DOCK3: variants seen among roughly 807,000 people sequenced by gnomAD.
DOCK3 encodes the protein dedicator of cytokinesis protein 3.
In DOCK3, 60 loss-of-function variants were observed where a neutral mutation model predicts 265.6. The observed-to-expected ratio is 0.23, with a 90% CI of 0.18 to 0.28. The LOEUF (loss-of-function observed/expected upper bound fraction) is 0.28. Ranked by LOEUF, DOCK3 falls within the 10% of genes least tolerant of loss-of-function variation. The pLI is 1.00. For missense variants in DOCK3, 1,981 were observed against 2,594.3 expected (o/e 0.76, Z 5.14); for synonymous variants, 881 against 938.0 (o/e 0.94, Z 1.11).
intron 1 of DOCK3, among the ~76,000 whole-genome samples, chr3:50,760,759 C>T (rs1260978987): frequency 1.3e-5 from 2 of 151,934 alleles, no homozygotes; most frequent in Non-Finnish European, 2.9e-5. Flanking sequence ...TAGTTTGCTA[C>T]CTCTAATAGT....
At chr3:51,238,991 G>A (rs1422213680) in intron 21 of DOCK3, among the ~76,000 whole-genome samples, 3 of 151,936 alleles carry the variant, frequency 2.0e-5, no homozygotes, top group Non-Finnish European at 4.4e-5. Context: ...GGGATTGCTG[G>A]GTCAAATGGT....
rs933238840 is a variant in DOCK3 at position 51,264,466 on chromosome 3, A to C, written c.2355+4140A>C. 5.3e-5 allele frequency among the ~76,000 whole-genome samples: 8 copies of C among 152,304 alleles called. No homozygotes were observed. In the South Asian group the frequency reaches 1.2e-3, roughly 24 times the overall value. On this transcript the variant is annotated intron_variant, in intron 23 of 52. Transcript: ENST00000266037. Reference sequence around the variant, plus strand: ...AGAAAGCGGGAAATATCTAAAATTGACACCCAAACATCACAGTTAAAAGAA... The same window carrying C: ...AGAAAGCGGGAAATATCTAAAATTGCCACCCAAACATCACAGTTAAAAGAA...
Position 51,156,193 on chromosome 3 carries a change from A to T in DOCK3, c.829-3051A>T, listed in dbSNP as rs183574334. Among the ~76,000 whole-genome samples the T allele has an allele frequency of 3.3e-3, 500 of 152,302 alleles. 2 individuals carry two copies. The highest frequency in any genetic ancestry group is 5.5e-3 in the Non-Finnish European group (373 of 68,028). On this transcript the variant is annotated intron_variant, in intron 10 of 52. Coordinates refer to ENST00000266037, the MANE Select transcript of DOCK3 (RefSeq NM_004947.5). ...TTTGAAAATCCCATTATCTCCCAAA[A>T]AAAAGGAGTGTCCCAGGCACAGGGA...
At chr3:50,983,042 G>C (rs1387507320) in intron 5 of DOCK3, among the ~76,000 whole-genome samples, 1 of 152,206 alleles carries the variant, frequency 6.6e-6, no homozygotes, top group Non-Finnish European at 1.5e-5. Context: ...CTTGGAGCAG[G>C]GTTCGGGCCA....
At chr3:51,000,850 G>A (rs1168137699) in intron 5 of DOCK3, among the ~76,000 whole-genome samples, 3 of 151,966 alleles carry the variant, frequency 2.0e-5, no homozygotes, top group Admixed American at 6.6e-5. Flanking sequence ...ACAGGGTTTC[G>A]CCATGTTCGC....
At chr3:51,301,360 A>T (rs771784414) in intron 27 of DOCK3, among the ~76,000 whole-genome samples, 6 of 150,702 alleles carry the variant, frequency 4.0e-5, no homozygotes, top group Non-Finnish European at 5.9e-5. Context: ...CAGATCCTGG[A>T]TTCATTGATT....
chr3:51,330,349 C>G, intron 33 of DOCK3, 126 bp downstream of exon 33: 1 of 770,772 alleles, frequency 1.3e-6, no homozygotes, highest in South Asian at 2.1e-5. Flanking sequence ...CTGGGTTGTT[C>G]CTGATGGTAG....
chr3:50,795,346 T>C (rs545110535), intron 2 of DOCK3, among the ~76,000 whole-genome samples: 3 of 152,318 alleles, frequency 2.0e-5, no homozygotes, highest in African/African-American at 7.2e-5. Flanking sequence ...ACACACTCCC[T>C]GTCTCTTTCA....
At chr3:50,787,864 A>G in intron 2 of DOCK3, 1 of 1,084,878 alleles carries the variant, frequency 9.2e-7, no homozygotes, top group Non-Finnish European at 1.4e-6. Context: ...TGGATTGAGA[A>G]GAGGTACCCT....
intron 3 of DOCK3, among the ~76,000 whole-genome samples, chr3:50,858,324 T>G (rs764534445): frequency 6.6e-6 from 1 of 151,942 alleles, no homozygotes; most frequent in East Asian, 1.9e-4. Flanking sequence ...AAATACCTAA[T>G]GTAAATGACG....
chr3:51,272,399 C>T (rs1346173615), intron 24 of DOCK3, among the ~76,000 whole-genome samples: 1 of 151,324 alleles, frequency 6.6e-6, no homozygotes, highest in Non-Finnish European at 1.5e-5. Flanking sequence ...GCCTCAGCCT[C>T]CCAAGTAGTT....
intron 4 of DOCK3, among the ~76,000 whole-genome samples, chr3:50,929,405 G>A (rs2050939150): frequency 1.3e-5 from 2 of 152,192 alleles, no homozygotes; most frequent in South Asian, 2.1e-4. Context: ...CCTTAGTCCT[G>A]CAGCTTGCTA....
chr3:51,167,506 A>G (rs935079018), intron 12 of DOCK3, among the ~76,000 whole-genome samples: 8 of 152,254 alleles, frequency 5.3e-5, no homozygotes, highest in African/African-American at 1.9e-4. Flanking sequence ...ATATTGATAC[A>G]GGCTGCCTTG....
intron 5 of DOCK3, among the ~76,000 whole-genome samples, chr3:50,978,532 C>G (rs965892993): frequency 6.6e-6 from 1 of 152,174 alleles, no homozygotes; most frequent in African/African-American, 2.4e-5. Context: ...ACTGGGAGAA[C>G]CACTGCTCTC....
At chr3:51,336,006 AG>A (rs2084842647) in intron 35 of DOCK3, among the ~76,000 whole-genome samples, 2 of 150,734 alleles carry the variant, frequency 1.3e-5, no homozygotes, top group Non-Finnish European at 2.9e-5. Flanking sequence ...AAAAAAAAAA[AG>A]AAAAGAAAAG....
intron 5 of DOCK3, among the ~76,000 whole-genome samples, chr3:50,959,924 A>C (rs1477678643): frequency 2.6e-5 from 4 of 152,162 alleles, no homozygotes; most frequent in African/African-American, 9.7e-5. Context: ...GTGATTTCAT[A>C]CAGTATGTTT....
At chr3:50,729,395 T>C (rs2038051004) in intron 1 of DOCK3, among the ~76,000 whole-genome samples, 2 of 150,258 alleles carry the variant, frequency 1.3e-5, no homozygotes, top group Admixed American at 1.3e-4. Flanking sequence ...TATTTATTTA[T>C]TTTATTATTA....
chr3:51,225,811 AT>A, intron 15 of DOCK3, 38 bp downstream of exon 15: 1 of 1,586,100 alleles, frequency 6.3e-7, no homozygotes. Context: ...TTGGAGGATA[AT>A]CCTATAATAA....
At chr3:50,740,935 A>G (rs1160790400) in intron 1 of DOCK3, among the ~76,000 whole-genome samples, 8 of 151,994 alleles carry the variant, frequency 5.3e-5, no homozygotes, top group African/African-American at 1.9e-4. Context: ...CTAGTTCCCG[A>G]ACTTTTTTAT....
Sources: allele counts gnomAD v4.1 joint callset (sites outside exome capture counted in the v4.1 genomes callset), GRCh38; gene constraint gnomAD v4.1.1; transcripts MANE v1.5; gene names NCBI Gene and HGNC (gene_info 2026-07-23, HGNC 2026-07-21).